Variants in ZC3HAV1 observed in about 807,000 individuals in gnomAD.
The protein encoded by ZC3HAV1 is zinc finger CCCH-type antiviral protein 1.
A neutral mutation model predicts 86.6 loss-of-function variants in ZC3HAV1; 41 were observed. That is an observed-to-expected ratio of 0.47 (90% confidence interval 0.37 to 0.61). The LOEUF (loss-of-function observed/expected upper bound fraction) is 0.61, where lower values mean the gene tolerates loss of function less well. Ranked by LOEUF, ZC3HAV1 falls within the 20% of genes least tolerant of loss-of-function variation. The pLI is 0.00. For missense variants in ZC3HAV1, 964 were observed against 1,141.1 expected, an observed-to-expected ratio of 0.84 and a Z score of 2.24; for synonymous variants, 421 against 432.1, an observed-to-expected ratio of 0.97 and a Z score of 0.32.
rs1213593169 is a variant in ZC3HAV1 at position 139,108,583 on chromosome 7, T to C, written c.308+441A>G. 1.3e-5 allele frequency among the ~76,000 whole-genome samples: 2 copies of C among 152,072 alleles called. No individual in the cohort carries two copies. The highest frequency in any genetic ancestry group is 2.9e-5 in the Non-Finnish European group (2 of 67,994). On this transcript the variant is annotated intron_variant, in intron 1 of 12. Coordinates refer to ENST00000242351, the MANE Select transcript of ZC3HAV1 (RefSeq NM_020119.4). This position sits in a 1 kb window ranked among gnomAD's most constrained non-coding sequence, Gnocchi z 4.2. ...GGACCGGGGGCCCAGGGCGGCTGGG[T>C]TACTGGCTCCGCCACGTCTAGGGAA...
In ZC3HAV1 at chr7:139,089,283, C is replaced by T. The variant is rs952764529; in HGVS notation, c.444+341G>A. The stretch of plus-strand genomic sequence containing the variant: ...GCTTAGCCCATACCCTCATCTTCCC[C>T]GCCAACTTCCCAACCTCATTCCAAA... On this transcript the variant is annotated intron_variant, in intron 2 of 12. Transcript: ENST00000242351. Among the ~76,000 whole-genome samples, 5 of 152,026 alleles carry T rather than the reference C, an allele frequency of 3.3e-5. No individual in the cohort carries two copies. In the East Asian group the frequency reaches 5.8e-4, roughly 18 times the overall value.
chr7:139,084,679 C>T (rs537136359), intron 2 of ZC3HAV1, among the ~76,000 whole-genome samples: 66 of 152,190 alleles, frequency 4.3e-4, no homozygotes, highest in Non-Finnish European at 7.3e-4. Context: ...TCTTAGCCTC[C>T]GTTTCCTTTG....
rs1818033288 is a variant in ZC3HAV1, at chr7:139,109,236, C to T, written c.96G>A (p.Leu32=). 1.9e-6 allele frequency: 3 copies of T among 1,611,446 alleles called. No homozygotes were observed. The highest frequency in any genetic ancestry group is 1.7e-5 in the Admixed American group (1 of 59,746). Residue 32 remains leucine, a synonymous_variant, in exon 1 of 13, where the codon CTG becomes CTA. Coordinates refer to ENST00000242351, the MANE Select transcript of ZC3HAV1 (RefSeq NM_020119.4). The stretch of plus-strand genomic sequence containing the variant: ...GCACCTCACAGAGCTGCGGCTCAGA[C>T]AGCGCGATCTCCTGGAGCAGCGCGT... ...ALDALLQEIA[L]SEPQLCEVLQ...
chr7:139,046,570 G>A lies in ZC3HAV1; in HGVS notation c.*1024C>T, dbSNP rs1266621657. ...TAACTCCAGTTGGTTGCTTCTCTCTGAGCCTTACTTGCCAGCTCTTATTAC... is the reference window on the plus strand; with the variant it reads ...TAACTCCAGTTGGTTGCTTCTCTCTAAGCCTTACTTGCCAGCTCTTATTAC... On this transcript the variant is annotated 3_prime_UTR_variant, in exon 13 of 13. Transcript: ENST00000242351. 6.6e-6 allele frequency: 1 copy of A among 152,148 alleles called. No individual in the cohort carries two copies. The highest frequency in any genetic ancestry group is 1.5e-5 in the Non-Finnish European group (1 of 68,032). 9.4% of individuals were successfully genotyped at this position (152,148 alleles called of 1,614,324 possible). A position where few individuals can be genotyped will look rare whatever the true frequency, so the allele number is the denominator to read the frequency against.
At chr7:139,050,195 C>A (rs1013989327) in intron 12 of ZC3HAV1, among the ~76,000 whole-genome samples, 4 of 152,122 alleles carry the variant, frequency 2.6e-5, no homozygotes, top group Admixed American at 2.0e-4. Flanking sequence ...TAATTGTTTC[C>A]TTTACTGTGG....
intron 9 of ZC3HAV1, among the ~76,000 whole-genome samples, chr7:139,056,423 T>TA (rs1816287340): frequency 6.7e-6 from 1 of 149,750 alleles, no homozygotes. Flanking sequence ...TTCTTTTTTT[T>TA]TTTTTTTGAG....
At chr7:139,105,131 C>G (rs1391786581) in intron 1 of ZC3HAV1, among the ~76,000 whole-genome samples, 8 of 151,818 alleles carry the variant, frequency 5.3e-5, no homozygotes, top group African/African-American at 9.7e-5. Flanking sequence ...GGAGGATCAT[C>G]TGAGCCTAGG....
intron 1 of ZC3HAV1, among the ~76,000 whole-genome samples, chr7:139,091,639 C>T (rs1385679126): frequency 6.6e-6 from 1 of 151,974 alleles, no homozygotes; most frequent in East Asian, 1.9e-4. Context: ...CTTTTTGAGA[C>T]AGGGTCTCAC....
intron 7 of ZC3HAV1, among the ~76,000 whole-genome samples, chr7:139,068,261 T>C (rs1816666759): frequency 6.6e-6 from 1 of 152,036 alleles, no homozygotes; most frequent in East Asian, 1.9e-4. Context: ...GGTTTCACCA[T>C]GTTGTCCAGG....
At chr7:139,076,175 A>G (rs1208026477) in intron 6 of ZC3HAV1, 111 bp downstream of exon 6, 1 of 1,509,236 alleles carries the variant, frequency 6.6e-7, no homozygotes, top group East Asian at 2.3e-5. Context: ...TTCACACTCG[A>G]ATGGGATTCT....
In ZC3HAV1 at chr7:139,046,400, G is replaced by C. The variant is rs1026781189; in HGVS notation, c.*1194C>G. ...GCACTCGCGTTTATCAGTTATGCTT[G>C]TGTGAAGCTGGTTATTGCAATTCAT... is the stretch of plus-strand genomic sequence containing the variant. On this transcript the variant is annotated 3_prime_UTR_variant, in exon 13 of 13. Coordinates refer to ENST00000242351, the MANE Select transcript of ZC3HAV1 (RefSeq NM_020119.4). 6.6e-6 allele frequency: 1 copy of C among 152,184 alleles called. No individual in the cohort carries two copies. Among genetic ancestry groups the C allele is most frequent in the East Asian group, 1.9e-4 (1 of 5,198 alleles). The allele number at this position is 152,184 out of a possible 1,614,324, so 9.4% of individuals were successfully genotyped here. A position where few individuals can be genotyped will look rare whatever the true frequency, so the allele number is the denominator to read the frequency against.
chr7:139,089,101 C>CA (rs1195760878), intron 2 of ZC3HAV1, among the ~76,000 whole-genome samples: 1,228 of 20,552 alleles, frequency 0.06, 159 homozygotes, highest in African/African-American at 0.096. Context: ...GACTCCATCT[C>CA]AAAAAAAAAA....
At chr7:139,057,296 T>C (rs1025450632) in intron 9 of ZC3HAV1, among the ~76,000 whole-genome samples, 2 of 122,318 alleles carry the variant, frequency 1.6e-5, no homozygotes, top group African/African-American at 5.5e-5. Flanking sequence ...TGTTTGAGGC[T>C]GCAGTGAGCC....
intron 9 of ZC3HAV1, among the ~76,000 whole-genome samples, chr7:139,059,977 C>A (rs563082799): frequency 6.6e-6 from 1 of 152,278 alleles, no homozygotes; most frequent in African/African-American, 2.4e-5. Flanking sequence ...CAAATCCACA[C>A]AGCTAATGGG....
intron 2 of ZC3HAV1, among the ~76,000 whole-genome samples, chr7:139,088,031 CAAAAAAAAA>C (rs10544425): frequency 1.8e-3 from 106 of 57,876 alleles, no homozygotes; most frequent in African/African-American, 4.9e-3. Context: ...GATCCTGTCT[CAAAAAAAAA>C]AAAAAAAAAA....
intron 8 of ZC3HAV1, among the ~76,000 whole-genome samples, chr7:139,062,748 G>A (rs375424623): frequency 6.6e-5 from 10 of 152,164 alleles, no homozygotes; most frequent in East Asian, 5.8e-4. Context: ...AGAAAAAGGC[G>A]GACGGGTGCA....
chr7:139,090,124 T>C lies in ZC3HAV1; in HGVS notation c.309-365A>G, dbSNP rs560503364. ...TTAGTAGAGACGGGGTTTCACCATG[T>C]TAGCCAGGCTGGTCTTGAACTCCTG... On this transcript the variant is annotated intron_variant, in intron 1 of 12. Transcript: ENST00000242351. 3.9e-5 allele frequency among the ~76,000 whole-genome samples: 6 copies of C among 152,200 alleles called. No homozygotes were observed. In the East Asian group the frequency reaches 9.6e-4, roughly 24 times the overall value.
chr7:139,092,151 G>T (rs138352403), intron 1 of ZC3HAV1, among the ~76,000 whole-genome samples: 63 of 152,306 alleles, frequency 4.1e-4, no homozygotes, highest in African/African-American at 1.5e-3. Flanking sequence ...TGATAGATGC[G>T]GGACTTTGGG....
chr7:139,079,406 C>G (rs889974590), intron 4 of ZC3HAV1, 64 bp downstream of exon 4: 1 of 1,612,984 alleles, frequency 6.2e-7, no homozygotes, highest in Non-Finnish European at 8.5e-7. Context: ...CACTACTTGA[C>G]TAGAGCCATT....
Sources: allele counts gnomAD v4.1 joint callset (sites outside exome capture counted in the v4.1 genomes callset), GRCh38; gene constraint gnomAD v4.1.1; non-coding constraint Gnocchi (gnomAD v3.1); transcripts MANE v1.5; gene names NCBI Gene and HGNC (gene_info 2026-07-23, HGNC 2026-07-21).